The following PTPRD variants were observed in gnomAD, a reference collection of about 807,000 sequenced individuals.
PTPRD encodes receptor-type tyrosine-protein phosphatase delta.
PTPRD carries 34 observed loss-of-function variants against 214.5 expected under a neutral mutation model. The ratio of observed to expected loss-of-function variants is 0.16; its 90% CI spans 0.12 to 0.21. PTPRD has a LOEUF of 0.21. Ranked by LOEUF, PTPRD falls within the 10% of genes least tolerant of loss-of-function variation. The probability of loss-of-function intolerance (pLI) is 1.00; values close to 1 mark genes in which losing one functional copy is unlikely to be tolerated. For missense variants in PTPRD, 2,545 were observed against 2,398.7 expected, an observed-to-expected ratio of 1.06 and a Z score of -1.27; for synonymous variants, 1,128 against 845.7, an observed-to-expected ratio of 1.33 and a Z score of -5.79.
At chr9:8,935,771 G>C (rs1359373605) in intron 11 of PTPRD, among the ~76,000 whole-genome samples, 3 of 152,144 alleles carry the variant, frequency 2.0e-5, no homozygotes, top group Non-Finnish European at 4.4e-5. Context: ...CAAAGAACAG[G>C]ATAGTGATTC....
chr9:8,973,544 TTAGTATAATGATCTATATTCCTTTG>T (rs2099251428), intron 11 of PTPRD, among the ~76,000 whole-genome samples: 1 of 152,200 alleles, frequency 6.6e-6, no homozygotes, highest in East Asian at 1.9e-4. Context: ...ATGTGTCTTT[TTAGTATAATGATCTATATTCCTTTG>T]GGTATATACT....
At chr9:10,446,453 A>G (rs1210929442) in intron 2 of PTPRD, among the ~76,000 whole-genome samples, 5 of 125,474 alleles carry the variant, frequency 4.0e-5, no homozygotes, top group African/African-American at 1.6e-4. Flanking sequence ...TATGACAACC[A>G]TTGCACAGCT....
intron 5 of PTPRD, among the ~76,000 whole-genome samples, chr9:9,902,337 T>C (rs2076599004): frequency 6.6e-6 from 1 of 152,152 alleles, no homozygotes. Flanking sequence ...ACCAAAGAAA[T>C]GAAGAATTTT....
chr9:8,713,569 C>T, intron 12 of PTPRD: 14 of 1,472,604 alleles, frequency 9.5e-6, no homozygotes, highest in African/African-American at 2.8e-5. Context: ...CTGTGACTCC[C>T]GGAGCGGCAC....
chr9:10,276,775 T>C (rs374962754), intron 3 of PTPRD, among the ~76,000 whole-genome samples: 3 of 152,322 alleles, frequency 2.0e-5, no homozygotes, highest in East Asian at 3.9e-4. Context: ...TAAAGTACTC[T>C]TATTGTTAAA....
intron 2 of PTPRD, among the ~76,000 whole-genome samples, chr9:10,511,903 C>CAT (rs528972140): frequency 1.8e-5 from 2 of 112,444 alleles, no homozygotes; most frequent in African/African-American, 3.4e-5. Flanking sequence ...CATATATATA[C>CAT]ATATATATAT....
intron 8 of PTPRD, among the ~76,000 whole-genome samples, chr9:9,427,752 A>C (rs994570923): frequency 6.6e-6 from 1 of 152,222 alleles, no homozygotes; most frequent in African/African-American, 2.4e-5. Context: ...AGTGGGGGCC[A>C]CTACTCAACA....
intron 35 of PTPRD, among the ~76,000 whole-genome samples, chr9:8,425,338 G>A (rs1440002818): frequency 6.6e-6 from 1 of 152,118 alleles, no homozygotes; most frequent in African/African-American, 2.4e-5. Context: ...TGATTTCCAT[G>A]ACTTTTCTGA....
chr9:9,627,842 A>G (rs1392159419), intron 7 of PTPRD, among the ~76,000 whole-genome samples: 2 of 152,202 alleles, frequency 1.3e-5, no homozygotes, highest in East Asian at 1.9e-4. Context: ...GTTAGGTACT[A>G]TGCTAGGTGC....
At chr9:9,397,056 A>G (rs1169052577) in intron 9 of PTPRD, among the ~76,000 whole-genome samples, 1 of 152,036 alleles carries the variant, frequency 6.6e-6, no homozygotes, top group African/African-American at 2.4e-5. Flanking sequence ...CTCTTATGGT[A>G]TGGATAGTAG....
chr9:9,308,047 C>G (rs10816088), intron 9 of PTPRD, among the ~76,000 whole-genome samples: 16,499 of 152,112 alleles, frequency 0.11, 1,145 homozygotes, highest in Non-Finnish European at 0.16. Flanking sequence ...GCTAGTTACT[C>G]AGCTTAATAT....
chr9:10,185,548 C>T (rs979235094), intron 3 of PTPRD, among the ~76,000 whole-genome samples: 2 of 152,114 alleles, frequency 1.3e-5, no homozygotes, highest in African/African-American at 2.4e-5. Context: ...CTGTTATCTG[C>T]GTTTTACAAA....
intron 4 of PTPRD, among the ~76,000 whole-genome samples, chr9:9,996,650 C>A (rs2096131935): frequency 6.6e-6 from 1 of 152,086 alleles, no homozygotes; most frequent in Non-Finnish European, 1.5e-5. Flanking sequence ...AACACAGAGG[C>A]CTTCTGCAAA....
At chr9:10,063,233 T>G (rs768773263) in intron 3 of PTPRD, among the ~76,000 whole-genome samples, 8 of 152,118 alleles carry the variant, frequency 5.3e-5, no homozygotes, top group Non-Finnish European at 1.2e-4. Context: ...CTGTCAACGT[T>G]TTAACCAATT....
At chr9:8,830,750 C>T (rs1023185523) in intron 11 of PTPRD, among the ~76,000 whole-genome samples, 4 of 151,994 alleles carry the variant, frequency 2.6e-5, no homozygotes, top group African/African-American at 7.2e-5. Flanking sequence ...GTCATTCGCA[C>T]GCAAGGATAT....
chr9:10,591,862 A>C (rs2075533384), intron 2 of PTPRD, among the ~76,000 whole-genome samples: 1 of 152,094 alleles, frequency 6.6e-6, no homozygotes, highest in Non-Finnish European at 1.5e-5. Context: ...CCACATGGCA[A>C]GGTATTGTAG....
chr9:9,856,421 A>T (rs1324721386), intron 5 of PTPRD, among the ~76,000 whole-genome samples: 4 of 152,098 alleles, frequency 2.6e-5, no homozygotes, highest in African/African-American at 9.7e-5. Context: ...TCTGCCTAGA[A>T]TTTCTCTTCC....
chr9:8,781,845 G>C (rs2095711557), intron 11 of PTPRD, among the ~76,000 whole-genome samples: 1 of 152,162 alleles, frequency 6.6e-6, no homozygotes, highest in African/African-American at 2.4e-5. Context: ...ATCACATTGT[G>C]AAAGGTCCTT....
intron 37 of PTPRD, among the ~76,000 whole-genome samples, chr9:8,381,537 A>G (rs1273412499): frequency 6.6e-6 from 1 of 152,136 alleles, no homozygotes; most frequent in East Asian, 1.9e-4. Flanking sequence ...GTATTCCCCC[A>G]TTTTATTATA....
Sources: allele counts gnomAD v4.1 joint callset (sites outside exome capture counted in the v4.1 genomes callset), GRCh38; gene constraint gnomAD v4.1.1; transcripts MANE v1.5; gene names NCBI Gene and HGNC (gene_info 2026-07-23, HGNC 2026-07-21).